CENPP: variants seen among roughly 807,000 people sequenced by gnomAD.
The protein encoded by CENPP is centromere protein P.
Under a neutral mutation model 35.6 loss-of-function variants are expected in CENPP, and 24 were observed. The observed-to-expected ratio is 0.67, with a 90% CI of 0.49 to 0.95. The LOEUF (loss-of-function observed/expected upper bound fraction) is 0.95, where lower values mean the gene tolerates loss of function less well. CENPP is among the 40% of genes least tolerant of loss of function. The pLI is 0.00. For synonymous variants in CENPP, 120 were observed against 125.5 expected, an observed-to-expected ratio of 0.96 and a Z score of 0.29; for missense variants, 332 against 345.3, an observed-to-expected ratio of 0.96 and a Z score of 0.31.
chr9:92,466,942 T>C (rs1367389400), intron 5 of CENPP, among the ~76,000 whole-genome samples: 1 of 152,194 alleles, frequency 6.6e-6, no homozygotes, highest in African/African-American at 2.4e-5. Flanking sequence ...TCTACAAAAC[T>C]ATGTTTAGTG....
rs1851476271 is a variant in CENPP at position 92,617,447 on chromosome 9, C to T, written c.*4298C>T. ...CAACCACAAGCTAGCTCCATGGGAACCAATGGCAGTGACCAGCGGGCACCA... is the reference window on the plus strand; with the variant it reads ...CAACCACAAGCTAGCTCCATGGGAATCAATGGCAGTGACCAGCGGGCACCA... On this transcript the variant is annotated 3_prime_UTR_variant, in exon 8 of 8. Coordinates refer to ENST00000375587, the MANE Select transcript of CENPP (RefSeq NM_001012267.3). The T allele has an allele frequency of 1.3e-5, 2 of 152,574 alleles. No individual in the cohort carries two copies. The highest frequency in any genetic ancestry group is 6.5e-5 in the Admixed American group (1 of 15,290). 9.5% of individuals were successfully genotyped at this position (152,574 alleles called of 1,614,324 possible).
intron 5 of CENPP, among the ~76,000 whole-genome samples, chr9:92,533,319 AAAAAAAAAAATATATATAT>A (rs1848942986): frequency 9.7e-6 from 1 of 103,512 alleles, no homozygotes; most frequent in South Asian, 3.4e-4. Context: ...AAAAAAAAAA[AAAAAAAAAAATATATATAT>A]ATATATATAT....
chr9:92,469,454 G>A (rs1216901151), intron 5 of CENPP, among the ~76,000 whole-genome samples: 1 of 152,004 alleles, frequency 6.6e-6, no homozygotes, highest in Non-Finnish European at 1.5e-5. Context: ...GGAAGAGATG[G>A]GCCAGCAGGG....
At chr9:92,403,314 C>T (rs2130933469) in intron 5 of CENPP, 1 of 1,612,756 alleles carries the variant, frequency 6.2e-7, no homozygotes, top group East Asian at 2.2e-5. Flanking sequence ...GTTCCATAAT[C>T]ATAGATAATG....
At chr9:92,459,403 A>G (rs1461061840) in intron 5 of CENPP, among the ~76,000 whole-genome samples, 3 of 152,382 alleles carry the variant, frequency 2.0e-5, no homozygotes, top group African/African-American at 7.2e-5. Flanking sequence ...CAGTTTCAAC[A>G]GGAGAAACCA....
intron 5 of CENPP, among the ~76,000 whole-genome samples, chr9:92,557,795 A>G (rs1187434638): frequency 6.6e-6 from 1 of 152,014 alleles, no homozygotes; most frequent in Non-Finnish European, 1.5e-5. Context: ...AGTATGCACC[A>G]CCACGCCCGA....
At chr9:92,363,284 A>G (rs922309289) in intron 4 of CENPP, among the ~76,000 whole-genome samples, 1 of 152,234 alleles carries the variant, frequency 6.6e-6, no homozygotes, top group African/African-American at 2.4e-5. Context: ...CATGATTCAT[A>G]TAATATTCAT....
At chr9:92,380,612 C>T (rs947787649) in intron 5 of CENPP, among the ~76,000 whole-genome samples, 3 of 152,264 alleles carry the variant, frequency 2.0e-5, no homozygotes, top group Middle Eastern at 3.4e-3. Flanking sequence ...CTAATAAAAT[C>T]TGTCAGGCCT....
intron 5 of CENPP, among the ~76,000 whole-genome samples, chr9:92,498,440 T>G (rs1483716236): frequency 6.6e-6 from 1 of 151,834 alleles, no homozygotes; most frequent in Admixed American, 6.6e-5. Flanking sequence ...CCTAAAAGTA[T>G]AGTAAAAAGA....
At chr9:92,556,991 A>G (rs1441466235) in intron 5 of CENPP, among the ~76,000 whole-genome samples, 1 of 152,118 alleles carries the variant, frequency 6.6e-6, no homozygotes, top group African/African-American at 2.4e-5. Flanking sequence ...CAAGATTTAG[A>G]GTTTCTTTTA....
intron 5 of CENPP, among the ~76,000 whole-genome samples, chr9:92,577,605 A>C (rs1043089681): frequency 2.0e-4 from 30 of 152,216 alleles, no homozygotes; most frequent in Admixed American, 1.9e-3. Flanking sequence ...TTAGGGGTGC[A>C]TACTTAAGTA....
At chr9:92,413,582 A>G (rs1564307587) in intron 5 of CENPP, among the ~76,000 whole-genome samples, 1 of 152,156 alleles carries the variant, frequency 6.6e-6, no homozygotes, top group Non-Finnish European at 1.5e-5. Flanking sequence ...TTGAATTTAT[A>G]TCCTGTATTT....
At chr9:92,540,664 G>A (rs137965754) in intron 5 of CENPP, among the ~76,000 whole-genome samples, 6,037 of 151,794 alleles carry the variant, frequency 0.04, 182 homozygotes, top group South Asian at 0.099. Context: ...GCAGCTACTC[G>A]GGAGGCTGAG....
chr9:92,531,166 CT>C (rs1349119587), intron 5 of CENPP, among the ~76,000 whole-genome samples: 3 of 151,920 alleles, frequency 2.0e-5, no homozygotes, highest in African/African-American at 7.2e-5. Flanking sequence ...TTTCTATTTG[CT>C]TTTTATTTGT....
At chr9:92,586,877 C>G (rs1850552361) in intron 5 of CENPP, among the ~76,000 whole-genome samples, 1 of 151,748 alleles carries the variant, frequency 6.6e-6, no homozygotes, top group Non-Finnish European at 1.5e-5. Flanking sequence ...ACAGCAAACC[C>G]TGAGGACGGG....
chr9:92,372,204 A>G (rs559685888), intron 4 of CENPP, among the ~76,000 whole-genome samples: 51 of 126,552 alleles, frequency 4.0e-4, no homozygotes, highest in Admixed American at 8.7e-4. Flanking sequence ...TTTTGTTTGC[A>G]TGGGATATCT....
At chr9:92,339,882 A>G (rs1841055056) in intron 3 of CENPP, 1 of 153,752 alleles carries the variant, frequency 6.5e-6, no homozygotes, top group Admixed American at 6.5e-5. Context: ...AAAAGGTTTC[A>G]TAGTCTGACT....
In CENPP at chr9:92,326,067, G is replaced by T; in HGVS notation, c.69G>T (p.Glu23Asp). Residue 23 changes from glutamate to aspartate, a missense_variant, in exon 1 of 8, where the codon GAG (glutamate) becomes GAT (aspartate). Physicochemically the swap from Glu to Asp is conservative, Grantham distance 45. Coordinates refer to ENST00000375587, the MANE Select transcript of CENPP (RefSeq NM_001012267.3). ...TCGCGGCCCTGCGGCGAGCGTGTGA[G>T]GACCCACCGGCGCCCTGGGAAGAGA... ...AEIAALRRAC[E>D]DPPAPWEEKS... 1 of 1,562,324 alleles carries T rather than the reference G, an allele frequency of 6.4e-7. No individual in the cohort carries two copies. Among genetic ancestry groups the T allele is most frequent in the African/African-American group, 1.4e-5 (1 of 73,184 alleles).
chr9:92,421,831 G>A (rs2130970378), intron 5 of CENPP, among the ~76,000 whole-genome samples: 1 of 152,278 alleles, frequency 6.6e-6, no homozygotes, highest in Middle Eastern at 3.4e-3. Flanking sequence ...ATCTAAGGCA[G>A]AGGGTAATAT....
Sources: gnomAD v4.1 joint callset for allele counts (sites outside exome capture counted in the v4.1 genomes callset) on GRCh38, gnomAD v4.1.1 for gene constraint, MANE v1.5 for transcripts, NCBI Gene and HGNC (gene_info 2026-07-23, HGNC 2026-07-21) for gene names.